Variants in HTR3A observed in about 807,000 individuals in gnomAD.
The protein encoded by HTR3A is 5-hydroxytryptamine (serotonin) receptor 3A, ionotropic.
In HTR3A, 45 loss-of-function variants were observed where a neutral mutation model predicts 54.8. That is an observed-to-expected ratio of 0.82 (90% CI 0.65 to 1.05). The LOEUF (loss-of-function observed/expected upper bound fraction) is 1.05, where lower values mean the gene tolerates loss of function less well. Among genes scored for constraint, HTR3A ranks in the 50% least tolerant of loss-of-function variants. The pLI is 0.00. For missense variants in HTR3A, 657 were observed against 614.0 expected (o/e 1.07, Z -0.74); for synonymous variants, 297 against 256.0 (o/e 1.16, Z -1.53).
In HTR3A at chr11:113,979,217, CCCTTT is replaced by C. The variant is rs773611095; in HGVS notation, c.220-8_220-4del. ...GTCCACAGGGTTACTTGTTCAAGCTCCCTTTCCTTTCCCAGGATGAGAAGAATCAG... is the reference window on the plus strand; with the variant it reads ...GTCCACAGGGTTACTTGTTCAAGCTCCCTTTCCCAGGATGAGAAGAATCAG... On this transcript the variant is annotated splice_polypyrimidine_tract_variant and intron_variant, in intron 2 of 8. Coordinates refer to ENST00000504030, the MANE Select transcript of HTR3A (RefSeq NM_000869.6). 6.2e-7 allele frequency: 1 copy of C among 1,611,948 alleles called. No homozygotes were observed. The highest frequency in any genetic ancestry group is 1.3e-5 in the African/African-American group (1 of 75,008).
Position 113,981,035 on chromosome 11 carries a change from G to A in HTR3A, c.265-168G>A, listed in dbSNP as rs192941420. ...AGGCAGAGTGTGAATGAAGAGGTGGGGGGACTCTCAGTTACTGCTGAGGGA... is the reference window on the plus strand; with the variant it reads ...AGGCAGAGTGTGAATGAAGAGGTGGAGGGACTCTCAGTTACTGCTGAGGGA... On this transcript the variant is annotated intron_variant, in intron 3 of 8. Coordinates refer to ENST00000504030, the MANE Select transcript of HTR3A (RefSeq NM_000869.6). 3.1e-4 allele frequency: 201 copies of A among 644,148 alleles called. 1 individual carries two copies. The East Asian group carries it at 4.0e-3, about 13-fold the overall frequency. 39.9% of individuals were successfully genotyped at this position (644,148 alleles called of 1,614,324 possible).
At position 113,989,580 on chromosome 11, in the gene HTR3A, G is replaced by A. The variant is rs756763823; in HGVS notation, c.1254G>A (p.Leu418=). Residue 418 remains leucine, a synonymous_variant, in exon 9 of 9, where the codon CTG becomes CTA. Transcript: ENST00000504030. This position sits in a 1 kb window ranked among gnomAD's most constrained non-coding sequence, Gnocchi z 4.4. The part of the protein sequence containing the change: ...PREASLAVCG[L]LQELSSIRQF... Reference sequence around the variant, plus strand: ...AGGCCTCGCTGGCGGTGTGTGGGCTGCTGCAGGAGCTGTCCTCCATCCGGC... The same window carrying A: ...AGGCCTCGCTGGCGGTGTGTGGGCTACTGCAGGAGCTGTCCTCCATCCGGC... 1.2e-6 allele frequency: 2 copies of A among 1,614,206 alleles called. No homozygotes were observed. Among genetic ancestry groups the A allele is most frequent in the Middle Eastern group, 1.6e-4 (1 of 6,062 alleles).
At chr11:113,977,580 A>G (rs1318163085) in intron 1 of HTR3A, 191 bp from the exon 2 acceptor site, 2 of 1,533,426 alleles carry the variant, frequency 1.3e-6, no homozygotes, top group Admixed American at 3.9e-5. Flanking sequence ...CTACAAGGTA[A>G]TACATTTGAA....
chr11:113,983,947 C>G (rs529422863), intron 5 of HTR3A, among the ~76,000 whole-genome samples: 1 of 152,352 alleles, frequency 6.6e-6, no homozygotes, highest in African/African-American at 2.4e-5. Flanking sequence ...AATCCACCCT[C>G]TTGAGCTGAC....
chr11:113,977,731 TGGG>T, intron 1 of HTR3A, 37 bp from the exon 2 acceptor site: 10 of 1,608,026 alleles, frequency 6.2e-6, no homozygotes, highest in Non-Finnish European at 8.5e-6. Flanking sequence ...GGGGAAGTCT[TGGG>T]GGGCTGGTGT....
chr11:113,979,986 T>TC (rs1244005940), intron 3 of HTR3A, among the ~76,000 whole-genome samples: 3 of 152,008 alleles, frequency 2.0e-5, no homozygotes, highest in Non-Finnish European at 4.4e-5. Flanking sequence ...CTGTTATCCC[T>TC]CCCCATGGCT....
Position 113,978,793 on chromosome 11 carries a change from C to G in HTR3A, c.220-440C>G, listed in dbSNP as rs1646934741. ...ACCACTTGAGGCCAGGAGTTCAAGA[C>G]CAGCCTGGACAACATAGCGACTGCA... On this transcript the variant is annotated intron_variant, in intron 2 of 8. Coordinates refer to ENST00000504030, the MANE Select transcript of HTR3A (RefSeq NM_000869.6). 2.0e-5 allele frequency among the ~76,000 whole-genome samples: 3 copies of G among 152,088 alleles called. No homozygotes were observed. The South Asian group carries it at 6.2e-4, about 32-fold the overall frequency.
chr11:113,977,835 C>A lies in HTR3A; in HGVS notation c.132C>A (p.Asn44Lys). The part of the protein sequence containing the change: ...LLRLSDYLLT[N>K]YRKGVRPVRD... ...GGCTGTCGGATTACCTTTTGACCAA[C>A]TACAGGAAGGGTGTGCGCCCCGTGA... Residue 44 changes from asparagine to lysine, a missense_variant, in exon 2 of 9, where the codon AAC (asparagine) becomes AAA (lysine). Coordinates refer to ENST00000504030, the MANE Select transcript of HTR3A (RefSeq NM_000869.6). The A allele has an allele frequency of 6.2e-7, 1 of 1,614,182 alleles. No individual in the cohort carries two copies. Among genetic ancestry groups the A allele is most frequent in the Non-Finnish European group, 8.5e-7 (1 of 1,180,034 alleles).
At chr11:113,980,567 C>T (rs7930558) in intron 3 of HTR3A, among the ~76,000 whole-genome samples, 117,420 of 152,158 alleles carry the variant, frequency 0.77, 46,434 homozygotes, top group South Asian at 0.91. Context: ...GAGCAGGATA[C>T]GCAGAGACAT....
intron 8 of HTR3A, 60 bp downstream of exon 8, chr11:113,987,106 A>G (rs1950503488): frequency 6.4e-7 from 1 of 1,571,332 alleles, no homozygotes; most frequent in Non-Finnish European, 8.7e-7. Flanking sequence ...GATGTTGTGG[A>G]AAGTCTCTGG....
Position 113,986,860 on chromosome 11 carries a change from A to AT in HTR3A, c.953dup (p.Ser319LysfsTer58). On this transcript the variant is annotated frameshift_variant, in exon 8 of 9. Coordinates refer to ENST00000504030, the MANE Select transcript of HTR3A (RefSeq NM_000869.6). LOFTEE classifies it high-confidence loss of function. The stretch of plus-strand genomic sequence containing the variant: ...TGTGGTGTGCATGGCTCTGCTGGTG[A>AT]TAAGTTTGGCCGAGACCATCTTCAT... 2 of 1,613,678 alleles carry AT rather than the reference A, an allele frequency of 1.2e-6. No individual in the cohort carries two copies. Among genetic ancestry groups the AT allele is most frequent in the Non-Finnish European group, 1.7e-6 (2 of 1,179,958 alleles).
rs1950363350 is a variant in HTR3A at position 113,977,390 on chromosome 11, T to A, written c.68-381T>A. The A allele has an allele frequency of 5.9e-5, 37 of 632,176 alleles. 1 individual carries two copies. In the South Asian group the frequency reaches 7.4e-4, roughly 13 times the overall value. 39.2% of individuals were successfully genotyped at this position (632,176 alleles called of 1,614,324 possible). On this transcript the variant is annotated intron_variant, in intron 1 of 8. Coordinates refer to ENST00000504030, the MANE Select transcript of HTR3A (RefSeq NM_000869.6). ...TGCTTTCTTGCAACCCTCTTGCTTT[T>A]AGTATCATACCCTGAGAGCCAGCTT...
intron 1 of HTR3A, among the ~76,000 whole-genome samples, chr11:113,976,541 T>C (rs897785542): frequency 7.3e-5 from 11 of 150,300 alleles, no homozygotes; most frequent in Non-Finnish European, 1.0e-4. Flanking sequence ...TTTATTGATG[T>C]TATTCCAAAG....
rs568712817 is a variant in HTR3A at position 113,990,042 on chromosome 11, G to T, written c.*279G>T. The T allele has an allele frequency of 1.3e-5, 8 of 608,256 alleles. No individual in the cohort carries two copies. Among genetic ancestry groups the T allele is most frequent in the South Asian group, 1.2e-4 (8 of 65,856 alleles). 37.7% of individuals were successfully genotyped at this position (608,256 alleles called of 1,614,324 possible). A position where few individuals can be genotyped will look rare whatever the true frequency, so the allele number is the denominator to read the frequency against. ...TGCTGTCTTAGATCAGGAGAAACTC[G>T]GGCACTCCCTAAGTCCACTCTAGTT... On this transcript the variant is annotated 3_prime_UTR_variant, in exon 9 of 9. Coordinates refer to ENST00000504030, the MANE Select transcript of HTR3A (RefSeq NM_000869.6).
At chr11:113,986,482 G>T in intron 6 of HTR3A, 36 bp from the exon 7 acceptor site, 1 of 1,607,360 alleles carries the variant, frequency 6.2e-7, no homozygotes. Flanking sequence ...GAGCCTGTTT[G>T]CCCCAGGCTT....
intron 1 of HTR3A, among the ~76,000 whole-genome samples, chr11:113,976,571 TTGTG>T (rs34498899): frequency 0.038 from 5,186 of 135,352 alleles, 227 homozygotes; most frequent in African/African-American, 0.11. Context: ...AAAAAATAGT[TTGTG>T]TGTGTGTGTG....
intron 5 of HTR3A, among the ~76,000 whole-genome samples, chr11:113,985,256 T>C (rs1323926662): frequency 6.6e-6 from 1 of 152,218 alleles, no homozygotes; most frequent in Non-Finnish European, 1.5e-5. Flanking sequence ...TATTATATAC[T>C]ACTACTTGAT....
In HTR3A at chr11:113,986,146, A is replaced by C. The variant is rs1320582235; in HGVS notation, c.676A>C (p.Ser226Arg). ...CTTTCGGGAGTTCAGCATGGAAAGCAGTAACTACTATGCAGAAATGAAGTT... is the reference window on the plus strand; with the variant it reads ...CTTTCGGGAGTTCAGCATGGAAAGCCGTAACTACTATGCAGAAATGAAGTT... ...PYFREFSMES[S>R]NYYAEMKFYV... Residue 226 changes from serine to arginine, a missense_variant, in exon 6 of 9, where the codon AGT (serine) becomes CGT (arginine). Transcript: ENST00000504030. 17 of 1,614,100 alleles carry C rather than the reference A, an allele frequency of 1.1e-5. No homozygotes were observed. Among genetic ancestry groups the C allele is most frequent in the Non-Finnish European group, 1.4e-5 (16 of 1,180,048 alleles).
Position 113,986,945 on chromosome 11 carries a change from T to G in HTR3A, c.1037T>G (p.Leu346Arg), listed in dbSNP as rs371542159. The G allele has an allele frequency of 2.3e-5, 37 of 1,614,052 alleles. No homozygotes were observed. The highest frequency in any genetic ancestry group is 3.1e-5 in the Non-Finnish European group (37 of 1,180,038). ...CCCGTGCCTGCTTGGCTGCGTCACC[T>G]GGTTCTGGAGAGAATCGCCTGGCTA... is the stretch of plus-strand genomic sequence containing the variant. ...QQPVPAWLRHLVLERIAWLLC... is the reference protein window; with the variant it reads ...QQPVPAWLRHRVLERIAWLLC... Residue 346 changes from leucine to arginine, a missense_variant, in exon 8 of 9, where the codon CTG becomes CGG. Leu to Arg is a moderately radical substitution (Grantham distance 102, BLOSUM62 -2). Coordinates refer to ENST00000504030, the MANE Select transcript of HTR3A (RefSeq NM_000869.6).
Sources: gnomAD v4.1 joint callset for allele counts (sites outside exome capture counted in the v4.1 genomes callset) on GRCh38, gnomAD v4.1.1 for gene constraint, Gnocchi (gnomAD v3.1) non-coding constraint, MANE v1.5 for transcripts, NCBI Gene and HGNC (gene_info 2026-07-23, HGNC 2026-07-21) for gene names.